THSD7B: variants seen among roughly 807,000 people sequenced by gnomAD.
THSD7B encodes the protein thrombospondin type-1 domain-containing protein 7B.
In THSD7B, 138 loss-of-function variants were observed where a neutral mutation model predicts 213.6. The observed-to-expected ratio is 0.65, with a 90% confidence interval of 0.56 to 0.74. The LOEUF (loss-of-function observed/expected upper bound fraction) is 0.74, where lower values mean the gene tolerates loss of function less well. THSD7B is among the 30% of genes least tolerant of loss of function. The probability of loss-of-function intolerance (pLI) is 0.00; values close to 1 mark genes in which losing one functional copy is unlikely to be tolerated. For synonymous variants in THSD7B, 742 were observed against 687.0 expected, an observed-to-expected ratio of 1.08 and a Z score of -1.25; for missense variants, 1,931 against 1,991.5, an observed-to-expected ratio of 0.97 and a Z score of 0.58.
intron 7 of THSD7B, among the ~76,000 whole-genome samples, chr2:137,173,198 G>A (rs1680295831): frequency 6.6e-6 from 1 of 152,154 alleles, no homozygotes; most frequent in Non-Finnish European, 1.5e-5. Context: ...ATATTTTAAA[G>A]TACAATTATT....
rs1688493794 is a variant in THSD7B, at chr2:137,487,692, C to G, written c.3138+36669C>G. 2.7e-5 allele frequency among the ~76,000 whole-genome samples: 4 copies of G among 149,160 alleles called. No homozygotes were observed. The South Asian group carries it at 8.6e-4, about 32-fold the overall frequency. On this transcript the variant is annotated intron_variant, in intron 15 of 27. Coordinates refer to ENST00000409968, the MANE Select transcript of THSD7B (RefSeq NM_001316349.2). ...AGAGAATAGTACAAACACCTCTACG[C>G]AAATAAAATAGAAAATCTAGAAGAA... is the stretch of plus-strand genomic sequence containing the variant.
rs748384366 is a variant in THSD7B, at chr2:137,656,955, C to T, written c.4265C>T (p.Thr1422Ile). The T allele has an allele frequency of 1.9e-6, 3 of 1,613,856 alleles. No homozygotes were observed. Among genetic ancestry groups the T allele is most frequent in the African/African-American group, 2.7e-5 (2 of 74,942 alleles). The change falls in exon 23 of 28, where the codon ACA becomes ATA. Residue 1422 changes from threonine (T) to isoleucine (I), a missense_variant. Coordinates refer to ENST00000409968, the MANE Select transcript of THSD7B (RefSeq NM_001316349.2). ...QDSCPQQVLE[T>I]RPCTGGKCYH... Reference sequence around the variant, plus strand: ...AGCTGCCCCCAACAGGTTCTAGAAACACGCCCTTGTACAGGTACCAAGAGC... The same window carrying T: ...AGCTGCCCCCAACAGGTTCTAGAAATACGCCCTTGTACAGGTACCAAGAGC...
In THSD7B at chr2:136,832,269, G is replaced by T. The variant is rs923657897; in HGVS notation, c.-35-49875G>T. ...CTCACACAGTTATGGAGGATGAGAA[G>T]TCCCATGATATGCCATCTGCAAGCT... On this transcript the variant is annotated intron_variant, in intron 1 of 27. Coordinates refer to ENST00000409968, the MANE Select transcript of THSD7B (RefSeq NM_001316349.2). Among the ~76,000 whole-genome samples the T allele has an allele frequency of 5.3e-5, 8 of 151,712 alleles. No individual in the cohort carries two copies. The South Asian group carries it at 1.5e-3, about 28-fold the overall frequency.
At chr2:136,998,399 G>A (rs1267995997) in intron 2 of THSD7B, among the ~76,000 whole-genome samples, 1 of 151,730 alleles carries the variant, frequency 6.6e-6, no homozygotes, top group African/African-American at 2.4e-5. Context: ...AGTGCAACAC[G>A]TATAAATTTC....
At chr2:137,627,568 T>G (rs1035652738) in intron 20 of THSD7B, among the ~76,000 whole-genome samples, 6 of 152,202 alleles carry the variant, frequency 3.9e-5, no homozygotes, top group Non-Finnish European at 5.9e-5. Flanking sequence ...CTGATGTTGT[T>G]GATAATTATC....
chr2:137,130,377 T>G (rs969384730), intron 5 of THSD7B, among the ~76,000 whole-genome samples: 3 of 151,632 alleles, frequency 2.0e-5, no homozygotes, highest in African/African-American at 7.3e-5. Context: ...CCTCACCTTT[T>G]TATTATTATT....
rs369391680 is a variant in THSD7B, at chr2:137,047,203, G to A, written c.140-9217G>A. On this transcript the variant is annotated intron_variant, in intron 2 of 27. Coordinates refer to ENST00000409968, the MANE Select transcript of THSD7B (RefSeq NM_001316349.2). ...GGTCTGCGCCAAGGTTGCAGGTGGCGGTGGAATGGGATGAAGAAACTGGGG... is the reference window on the plus strand; with the variant it reads ...GGTCTGCGCCAAGGTTGCAGGTGGCAGTGGAATGGGATGAAGAAACTGGGG... Among the ~76,000 whole-genome samples the A allele has an allele frequency of 3.0e-4, 46 of 152,276 alleles. No homozygotes were observed. The South Asian group carries it at 7.7e-3, about 25-fold the overall frequency.
intron 10 of THSD7B, among the ~76,000 whole-genome samples, chr2:137,270,440 C>T (rs1401439429): frequency 6.6e-6 from 1 of 152,152 alleles, no homozygotes; most frequent in African/African-American, 2.4e-5. Flanking sequence ...TTGGTCTCTC[C>T]TCCTTCTGAG....
chr2:137,605,809 C>T (rs1347718791), intron 17 of THSD7B, among the ~76,000 whole-genome samples: 1 of 151,872 alleles, frequency 6.6e-6, no homozygotes, highest in Non-Finnish European at 1.5e-5. Context: ...GCTGGGGTTA[C>T]AGGCGCTTGC....
chr2:137,666,546 C>CCA (rs397985986), intron 26 of THSD7B, among the ~76,000 whole-genome samples: 2 of 147,076 alleles, frequency 1.4e-5, no homozygotes, highest in Non-Finnish European at 3.0e-5. Context: ...TTCCCCCCCC[C>CCA]ATAGAAGCTT....
intron 10 of THSD7B, among the ~76,000 whole-genome samples, chr2:137,257,704 A>C (rs1682341166): frequency 6.6e-6 from 1 of 152,188 alleles, no homozygotes; most frequent in Non-Finnish European, 1.5e-5. Context: ...CCAGGATCCT[A>C]ACTGGCTTTG....
chr2:136,784,398 A>T (rs1681801214), intron 1 of THSD7B, among the ~76,000 whole-genome samples: 1 of 152,052 alleles, frequency 6.6e-6, no homozygotes, highest in Non-Finnish European at 1.5e-5. Flanking sequence ...AGAAATGGCT[A>T]GGCACAGATT....
At chr2:137,207,729 A>C (rs1681015646) in intron 7 of THSD7B, among the ~76,000 whole-genome samples, 1 of 152,056 alleles carries the variant, frequency 6.6e-6, no homozygotes, top group Non-Finnish European at 1.5e-5. Context: ...AGAGCCCTTG[A>C]CTATACTTCT....
chr2:136,922,309 C>T (rs1684449306), intron 2 of THSD7B, among the ~76,000 whole-genome samples: 1 of 152,240 alleles, frequency 6.6e-6, no homozygotes, highest in South Asian at 2.1e-4. Flanking sequence ...ACCCTTCTCT[C>T]TGCACCTGAT....
At chr2:137,040,099 C>A (rs138978647) in intron 2 of THSD7B, among the ~76,000 whole-genome samples, 1 of 152,292 alleles carries the variant, frequency 6.6e-6, no homozygotes, top group African/African-American at 2.4e-5. Flanking sequence ...GCACTGTGAG[C>A]AATGCCCTGC....
intron 12 of THSD7B, among the ~76,000 whole-genome samples, chr2:137,316,867 A>G (rs552735069): frequency 6.6e-6 from 1 of 152,116 alleles, no homozygotes; most frequent in African/African-American, 2.4e-5. Flanking sequence ...TAGAAGTGGG[A>G]TTTATAATCA....
Position 137,405,622 on chromosome 2 carries a change from G to T in THSD7B, c.2510G>T (p.Cys837Phe), listed in dbSNP as rs763025700. The T allele has an allele frequency of 5.0e-6, 8 of 1,602,626 alleles. No homozygotes were observed. The change falls in exon 13 of 28, where the codon TGC becomes TTC. Residue 837 changes from cysteine (C) to phenylalanine (F), a missense_variant. By Grantham distance (205) the Cys-to-Phe change is radical (BLOSUM62 -2). Coordinates refer to ENST00000409968, the MANE Select transcript of THSD7B (RefSeq NM_001316349.2). ...GKGLQTRAVSCISDDNRSAEM... is the reference protein window; with the variant it reads ...GKGLQTRAVSFISDDNRSAEM... ...TCATGCTTTTTTTCAGCTGTCTCATGCATCTCTGATGACAACCGGTCAGCA... is the reference window on the plus strand; with the variant it reads ...TCATGCTTTTTTTCAGCTGTCTCATTCATCTCTGATGACAACCGGTCAGCA...
At chr2:137,114,303 T>G (rs963588657) in intron 4 of THSD7B, among the ~76,000 whole-genome samples, 3 of 152,218 alleles carry the variant, frequency 2.0e-5, no homozygotes, top group Non-Finnish European at 4.4e-5. Context: ...GCTGTGGGCT[T>G]AAAGAATACG....
intron 12 of THSD7B, among the ~76,000 whole-genome samples, chr2:137,304,096 GT>G (rs1683681120): frequency 6.6e-6 from 1 of 151,860 alleles, no homozygotes; most frequent in Non-Finnish European, 1.5e-5. Context: ...TGAGAATGAT[GT>G]TTTCCAGCTT....
Sources: allele counts gnomAD v4.1 joint callset (sites outside exome capture counted in the v4.1 genomes callset), GRCh38; gene constraint gnomAD v4.1.1; transcripts MANE v1.5; gene names NCBI Gene and HGNC (gene_info 2026-07-23, HGNC 2026-07-21).